Variants in RMDN1 observed in about 807,000 individuals in gnomAD.
RMDN1 encodes the protein regulator of microtubule dynamics protein 1.
Under a neutral mutation model 48.9 loss-of-function variants are expected in RMDN1, and 48 were observed. That is an observed-to-expected ratio of 0.98 (90% CI 0.78 to 1.25). The LOEUF (loss-of-function observed/expected upper bound fraction) is 1.25. RMDN1 is among the 50% of genes most tolerant of loss of function. The pLI is 0.00. For missense variants in RMDN1, 418 were observed against 373.4 expected (o/e 1.12, Z -0.98); for synonymous variants, 148 against 132.6 (o/e 1.12, Z -0.80).
chr8:86,478,891 C>T (rs749692012), intron 7 of RMDN1, 32 bp downstream of exon 7: 90 of 1,536,706 alleles, frequency 5.9e-5, no homozygotes, highest in Admixed American at 2.7e-4. Context: ...GTTAAGAAAT[C>T]CGTACTAACT....
intron 5 of RMDN1, chr8:86,482,093 AC>A (rs2130727929): frequency 1.7e-6 from 1 of 588,310 alleles, no homozygotes; most frequent in African/African-American, 1.9e-5. Context: ...GCTCCTCTGG[AC>A]CTCGATCTTG....
downstream of RMDN1, among the ~76,000 whole-genome samples, chr8:86,469,378 G>C: frequency 6.6e-6 from 1 of 152,128 alleles, no homozygotes; most frequent in East Asian, 1.9e-4. Flanking sequence ...CATCTGGACT[G>C]GGAAATCTCC....
At position 86,485,074 on chromosome 8, in the gene RMDN1, A is replaced by G. The variant is rs565700352; in HGVS notation, c.496-113T>C. 5.2e-5 allele frequency: 31 copies of G among 600,270 alleles called. No homozygotes were observed. The South Asian group carries it at 7.5e-4, about 14-fold the overall frequency. 37.2% of individuals were successfully genotyped at this position (600,270 alleles called of 1,614,324 possible). ...ATTCTCATCCAACAAAAAGTTACTG[A>G]GCATAAAAACTGTATTAAATGTAAT... On this transcript the variant is annotated intron_variant, in intron 4 of 9. Coordinates refer to ENST00000406452, the MANE Select transcript of RMDN1 (RefSeq NM_016033.3).
chr8:86,501,551 T>C (rs1388805842), intron 2 of RMDN1, among the ~76,000 whole-genome samples: 1 of 151,896 alleles, frequency 6.6e-6, no homozygotes, highest in Admixed American at 6.6e-5. Context: ...TGTGCATCTG[T>C]AGTCTCAGCT....
intron 2 of RMDN1, among the ~76,000 whole-genome samples, chr8:86,503,371 C>CAA (rs1182231210): frequency 1.5e-5 from 1 of 68,036 alleles, no homozygotes; most frequent in African/African-American, 1.0e-4. Context: ...CAAAACAAAA[C>CAA]AAAAAAAAAA....
rs1481101167 is a variant in RMDN1, at chr8:86,508,642, C to T, written c.-22G>A. ...CCATGACCTGCAACTTGCGGGCTGA[C>T]CCTGCACTACTTCAGGCAGCTACGG... On this transcript the variant is annotated 5_prime_UTR_variant, in exon 1 of 10. Transcript: ENST00000406452. 1.3e-6 allele frequency: 2 copies of T among 1,585,256 alleles called. No individual in the cohort carries two copies. The highest frequency in any genetic ancestry group is 1.3e-5 in the African/African-American group (1 of 74,128).
At chr8:86,507,597 C>T (rs1819592750) in intron 1 of RMDN1, among the ~76,000 whole-genome samples, 1 of 152,166 alleles carries the variant, frequency 6.6e-6, no homozygotes, top group African/African-American at 2.4e-5. Flanking sequence ...GCCTCGGCTT[C>T]CCAAAGTGCT....
At chr8:86,489,486 C>T (rs887049909) in intron 2 of RMDN1, among the ~76,000 whole-genome samples, 1 of 152,072 alleles carries the variant, frequency 6.6e-6, no homozygotes, top group African/African-American at 2.4e-5. Flanking sequence ...GCCAAGATTC[C>T]AATGTGTATA....
chr8:86,509,615 G>T (rs1473572940), upstream of RMDN1, among the ~76,000 whole-genome samples: 1 of 152,150 alleles, frequency 6.6e-6, no homozygotes, highest in East Asian at 1.9e-4. Context: ...TAGTCGTATT[G>T]ATCTTCCGAA....
Position 86,484,888 on chromosome 8 carries a change from A to C in RMDN1, c.569T>G (p.Ile190Ser), listed in dbSNP as rs777499080. The C allele has an allele frequency of 1.9e-6, 3 of 1,593,924 alleles. No individual in the cohort carries two copies. Among genetic ancestry groups the C allele is most frequent in the Non-Finnish European group, 2.6e-6 (3 of 1,164,998 alleles). Residue 190 changes from isoleucine (I) to serine (S), a missense_variant, in exon 5 of 10, where the codon ATC (isoleucine) becomes AGC (serine). Physicochemically the swap from Ile to Ser is moderately radical, Grantham distance 142 (BLOSUM62 -2). Transcript: ENST00000406452. ...CATCAGTACCTCAAAATGCTCCTTG[A>C]TGATATATGCATTTGCAATTTTAGC... Reference protein sequence around the residue: ...IKAKIANAYIIKEHFEKAIEL... With the variant: ...IKAKIANAYISKEHFEKAIEL...
At chr8:86,481,611 A>G (rs1180055218) in intron 5 of RMDN1, 2 of 280,804 alleles carry the variant, frequency 7.1e-6, no homozygotes, top group Non-Finnish European at 1.3e-5. Context: ...TTTATTTTGA[A>G]AGTCATTTGA....
chr8:86,500,854 A>G (rs1347347473), intron 2 of RMDN1, among the ~76,000 whole-genome samples: 2 of 152,222 alleles, frequency 1.3e-5, no homozygotes, highest in Non-Finnish European at 2.9e-5. Context: ...ATGGAATACT[A>G]TAAAGCCATT....
At chr8:86,496,652 A>G (rs1282568779) in intron 2 of RMDN1, among the ~76,000 whole-genome samples, 1 of 152,210 alleles carries the variant, frequency 6.6e-6, no homozygotes, top group Non-Finnish European at 1.5e-5. Context: ...ACAAGTTCTT[A>G]GAGACCTACA....
exon 1 of RMDN1, chr8:86,514,274 CTGGCCTCCAGAA>C (rs1366735151): frequency 1.0e-6 from 1 of 985,404 alleles, no homozygotes; most frequent in East Asian, 1.1e-4. Flanking sequence ...CAGTAAGCGA[CTGGCCTCCAGAA>C]TGGCCTCGAA....
chr8:86,496,243 G>A (rs1346992917), intron 2 of RMDN1, among the ~76,000 whole-genome samples: 1 of 152,120 alleles, frequency 6.6e-6, no homozygotes, highest in Non-Finnish European at 1.5e-5. Flanking sequence ...ATACAATCAA[G>A]TTCACATAAT....
intron 3 of RMDN1, 80 bp downstream of exon 3, chr8:86,488,472 A>T: frequency 1.4e-6 from 1 of 699,382 alleles, no homozygotes; most frequent in Non-Finnish European, 2.3e-6. Context: ...TAAAACCTCA[A>T]GCACTAAGGG....
chr8:86,493,522 G>A (rs7459897), intron 2 of RMDN1, among the ~76,000 whole-genome samples: 1 of 151,980 alleles, frequency 6.6e-6, no homozygotes, highest in Non-Finnish European at 1.5e-5. Context: ...TTCTGTCATT[G>A]TGTCATTTGT....
At chr8:86,497,027 C>T (rs1586730800) in intron 2 of RMDN1, among the ~76,000 whole-genome samples, 1 of 152,136 alleles carries the variant, frequency 6.6e-6, no homozygotes, top group Non-Finnish European at 1.5e-5. Flanking sequence ...AAACAATTTG[C>T]TCCTGCATGA....
At chr8:86,498,687 G>C (rs1324726895) in intron 2 of RMDN1, among the ~76,000 whole-genome samples, 1 of 152,078 alleles carries the variant, frequency 6.6e-6, no homozygotes, top group Admixed American at 6.6e-5. Context: ...AGGTGGAAGT[G>C]GGAGGATCAC....
Sources: gnomAD v4.1 joint callset for allele counts (sites outside exome capture counted in the v4.1 genomes callset) on GRCh38, gnomAD v4.1.1 for gene constraint, MANE v1.5 for transcripts, NCBI Gene and HGNC (gene_info 2026-07-23, HGNC 2026-07-21) for gene names.